Variants in HHAT observed in about 807,000 individuals in gnomAD.
HHAT encodes the protein protein-cysteine N-palmitoyltransferase HHAT.
HHAT carries 47 observed loss-of-function variants against 70.8 expected under a neutral mutation model. The observed-to-expected ratio is 0.66, with a 90% CI of 0.53 to 0.85. The LOEUF (loss-of-function observed/expected upper bound fraction) is 0.85, where lower values mean the gene tolerates loss of function less well. Among genes scored for constraint, HHAT ranks in the 40% least tolerant of loss-of-function variants. The pLI is 0.00. For synonymous variants in HHAT, 228 were observed against 247.6 expected, an observed-to-expected ratio of 0.92 and a Z score of 0.74; for missense variants, 609 against 604.8, an observed-to-expected ratio of 1.01 and a Z score of -0.07.
At chr1:210,629,858 T>TG (rs1338124805) in intron 11 of HHAT, among the ~76,000 whole-genome samples, 12 of 98,826 alleles carry the variant, frequency 1.2e-4, no homozygotes, top group Non-Finnish European at 1.9e-4. Flanking sequence ...TTTTGTTTTT[T>TG]TTTTTTGAGA....
chr1:210,347,610 T>TAA (rs200183165), intron 1 of HHAT, among the ~76,000 whole-genome samples: 2,744 of 152,346 alleles, frequency 0.018, 81 homozygotes, highest in African/African-American at 0.063. Flanking sequence ...CTAACTTTCC[T>TAA]ATACCTTCTC....
intron 9 of HHAT, among the ~76,000 whole-genome samples, chr1:210,515,016 C>G (rs1322593144): frequency 6.6e-6 from 1 of 152,192 alleles, no homozygotes; most frequent in African/African-American, 2.4e-5. Context: ...TCCCCTTGCT[C>G]TGGCAGGAGG....
At chr1:210,630,880 G>C in intron 11 of HHAT, 3 of 366,212 alleles carry the variant, frequency 8.2e-6, no homozygotes, top group East Asian at 7.3e-5. Context: ...CCGTGGAGGC[G>C]GGGGGCCAGC....
In HHAT at chr1:210,328,966, G is replaced by A. The variant is rs752119668; in HGVS notation, c.-182G>A. On this transcript the variant is annotated 5_prime_UTR_variant, in exon 1 of 12. Transcript: ENST00000261458. ...CGCTGCTCCTCCAAAGGGCAGCTCC[G>A]GGGGAAAGAGGGTGGCGTCCCGGGG... The A allele has an allele frequency of 3.1e-6, 4 of 1,295,176 alleles. No homozygotes were observed. The highest frequency in any genetic ancestry group is 4.0e-6 in the Non-Finnish European group (4 of 1,009,282). The allele number at this position is 1,295,176 out of a possible 1,614,324, so 80.2% of individuals were successfully genotyped here.
intron 9 of HHAT, among the ~76,000 whole-genome samples, chr1:210,544,878 C>T (rs922426845): frequency 3.3e-5 from 5 of 152,158 alleles, no homozygotes; most frequent in Middle Eastern, 3.2e-3. Context: ...GGAGTTATCT[C>T]TGATACCTCC....
intron 10 of HHAT, among the ~76,000 whole-genome samples, chr1:210,607,725 T>A (rs1309524041): frequency 6.6e-6 from 1 of 152,014 alleles, no homozygotes; most frequent in Non-Finnish European, 1.5e-5. Flanking sequence ...TCCTAGGTTT[T>A]CTTTTCTTTT....
At chr1:210,410,262 T>C (rs142006394) in intron 6 of HHAT, among the ~76,000 whole-genome samples, 4,061 of 151,688 alleles carry the variant, frequency 0.027, 187 homozygotes, top group African/African-American at 0.092. Context: ...TTCATCGTGT[T>C]AGCCAGAATG....
At chr1:210,364,916 A>G (rs1280905747) in intron 3 of HHAT, among the ~76,000 whole-genome samples, 1 of 152,116 alleles carries the variant, frequency 6.6e-6, no homozygotes, top group Non-Finnish European at 1.5e-5. Context: ...CATCCTGACA[A>G]ATCTGTCCAT....
At chr1:210,627,366 AAG>A (rs1238415586) in intron 11 of HHAT, among the ~76,000 whole-genome samples, 4 of 152,130 alleles carry the variant, frequency 2.6e-5, no homozygotes, top group African/African-American at 9.7e-5. Context: ...TCGCCTGGAA[AAG>A]TTGTCTTAAA....
chr1:210,414,801 G>A (rs1050942890), intron 6 of HHAT, among the ~76,000 whole-genome samples: 2 of 152,046 alleles, frequency 1.3e-5, no homozygotes, highest in African/African-American at 4.8e-5. Flanking sequence ...GCGGATCACT[G>A]GAGGTCAGGA....
At chr1:210,374,227 A>G (rs573042547) in intron 3 of HHAT, 6 of 151,872 alleles carry the variant, frequency 4.0e-5, no homozygotes, top group South Asian at 2.1e-4. Flanking sequence ...AATCTTTAGT[A>G]AAAGGCGAAA....
chr1:210,329,439 TCGG>T (rs1365128562), intron 1 of HHAT: 5 of 1,075,732 alleles, frequency 4.6e-6, no homozygotes, highest in Non-Finnish European at 5.6e-6. Flanking sequence ...CTTGGCAGTA[TCGG>T]CGGTGCGCCT....
chr1:210,439,780 A>T lies in HHAT; in HGVS notation c.856+21455A>T, dbSNP rs1265682383. On this transcript the variant is annotated intron_variant, in intron 7 of 11. Transcript: ENST00000261458. ...TAAGGCCAGATCAGCCTCATCTGAA[A>T]GCCTTACACAGGGAGAAAGGGGCTG... 2.0e-5 allele frequency: 3 copies of T among 152,030 alleles called. No homozygotes were observed. In the East Asian group the frequency reaches 5.8e-4, roughly 29 times the overall value. The allele number at this position is 152,030 out of a possible 1,614,324, so 9.4% of individuals were successfully genotyped here.
At chr1:210,465,963 G>A (rs2094094722) in intron 8 of HHAT, among the ~76,000 whole-genome samples, 1 of 17,818 alleles carries the variant, frequency 5.6e-5, no homozygotes, top group African/African-American at 2.4e-4. Flanking sequence ...GGAATTGCAA[G>A]GAATGAATTG....
At chr1:210,671,085 C>T (rs141529296) in intron 11 of HHAT, among the ~76,000 whole-genome samples, 2 of 152,260 alleles carry the variant, frequency 1.3e-5, no homozygotes, top group African/African-American at 2.4e-5. Context: ...GTGTGTTACG[C>T]GGAAGCTTTC....
chr1:210,540,533 T>G (rs571743558), intron 9 of HHAT, among the ~76,000 whole-genome samples: 199 of 148,610 alleles, frequency 1.3e-3, no homozygotes, highest in African/African-American at 4.8e-3. Flanking sequence ...GCTCTCTCTC[T>G]CTCTCTAACT....
At chr1:210,665,092 T>C (rs17188409) in intron 11 of HHAT, among the ~76,000 whole-genome samples, 2,579 of 152,328 alleles carry the variant, frequency 0.017, 34 homozygotes, top group Middle Eastern at 0.031. Flanking sequence ...AGTTTCATAT[T>C]GGTCTTAACC....
At position 210,349,034 on chromosome 1, in the gene HHAT, A is replaced by G. The variant is rs1183312420; in HGVS notation, c.59A>G (p.Tyr20Cys). 6 of 1,614,074 alleles carry G rather than the reference A, an allele frequency of 3.7e-6. No individual in the cohort carries two copies. The highest frequency in any genetic ancestry group is 3.3e-5 in the Admixed American group (2 of 59,998). Reference protein sequence around the residue: ...YLLASLGFHFYSFYEVYKVSR... With the variant: ...YLLASLGFHFCSFYEVYKVSR... ...CTTGCCTCACTAGGCTTCCACTTCT[A>G]TTCCTTCTATGAAGTTTACAAAGTC... Residue 20 changes from tyrosine (Y) to cysteine (C), a missense_variant, in exon 2 of 12, where the codon TAT becomes TGT. Tyr to Cys is a radical substitution (Grantham distance 194). Transcript: ENST00000261458.
intron 11 of HHAT, among the ~76,000 whole-genome samples, chr1:210,642,966 G>A (rs897600489): frequency 4.6e-5 from 7 of 152,110 alleles, no homozygotes; most frequent in South Asian, 2.1e-4. Flanking sequence ...ATTAGTAGAA[G>A]CTTTACTTTT....
Sources: gnomAD v4.1 joint callset for allele counts (sites outside exome capture counted in the v4.1 genomes callset) on GRCh38, gnomAD v4.1.1 for gene constraint, MANE v1.5 for transcripts, NCBI Gene and HGNC (gene_info 2026-07-23, HGNC 2026-07-21) for gene names.